The following SERP1 variants were observed in gnomAD, a reference collection of about 807,000 sequenced individuals.
SERP1 encodes stress-associated endoplasmic reticulum protein 1.
SERP1 carries 6 observed loss-of-function variants against 8.8 expected under a neutral mutation model. The ratio of observed to expected loss-of-function variants is 0.68; its 90% CI spans 0.37 to 1.35. The LOEUF (loss-of-function observed/expected upper bound fraction) is 1.35. SERP1 is among the 40% of genes most tolerant of loss of function. The pLI is 0.02. For synonymous variants in SERP1, 36 were observed against 28.7 expected (o/e 1.25, Z -0.81); for missense variants, 52 against 86.2 (o/e 0.60, Z 1.57).
chr3:150,544,183 C>A lies in SERP1; in HGVS notation c.*275G>T. The stretch of plus-strand genomic sequence containing the variant: ...TAATAACCACATAAAAAAACTTACT[C>A]TTAATTGACTGAATAAGTAGGGTCC... On this transcript the variant is annotated 3_prime_UTR_variant, in exon 3 of 3. Transcript: ENST00000239944. The A allele has an allele frequency of 2.7e-6, 1 of 374,588 alleles. No homozygotes were observed. The highest frequency in any genetic ancestry group is 4.8e-6 in the Non-Finnish European group (1 of 207,606). The allele number at this position is 374,588 out of a possible 1,614,324, so 23.2% of individuals were successfully genotyped here.
In SERP1 at chr3:150,543,769, AG is replaced by A. The variant is rs1351867766; in HGVS notation, c.*688del. ...AACTGATTAAGTCAGAAAACGATCA[AG>A]TTTTTTTTTTATGGCATCTTGGGTT... On this transcript the variant is annotated 3_prime_UTR_variant, in exon 3 of 3. Transcript: ENST00000239944. 2.1e-5 allele frequency: 1 copy of A among 48,462 alleles called. No individual in the cohort carries two copies. 3.0% of individuals were successfully genotyped at this position (48,462 alleles called of 1,614,324 possible).
intron 1 of SERP1, 54 bp from the exon 2 acceptor site, chr3:150,545,832 G>A: frequency 1.3e-6 from 2 of 1,538,260 alleles, no homozygotes; most frequent in Non-Finnish European, 8.8e-7. Context: ...TCGGACCCCA[G>A]GCTCCCACGC....
At position 150,546,485 on chromosome 3, in the gene SERP1, C is replaced by G; in HGVS notation, c.-350G>C. On this transcript the variant is annotated 5_prime_UTR_variant, in exon 1 of 3. Transcript: ENST00000239944. ...CGCAACAACGGGAATGTGCAGCCCG[C>G]CGCCTCGATCTACTTTGGGTTCGGC... The G allele has an allele frequency of 1.7e-6, 1 of 571,806 alleles. No homozygotes were observed. Among genetic ancestry groups the G allele is most frequent in the Non-Finnish European group, 3.1e-6 (1 of 321,914 alleles). The allele number at this position is 571,806 out of a possible 1,614,324, so 35.4% of individuals were successfully genotyped here.
rs913882698 is a variant in SERP1, at chr3:150,542,143, G to C, written c.*2315C>G. 26 of 152,286 alleles carry C rather than the reference G, an allele frequency of 1.7e-4. No homozygotes were observed. The highest frequency in any genetic ancestry group is 5.8e-4 in the African/African-American group (24 of 41,566). 9.4% of individuals were successfully genotyped at this position (152,286 alleles called of 1,614,324 possible). A position where few individuals can be genotyped will look rare whatever the true frequency, so the allele number is the denominator to read the frequency against. ...AGATACAATTAATTGACAACTTGTT[G>C]AAATGTTAGAGTTAAACCACAAAGA... On this transcript the variant is annotated 3_prime_UTR_variant, in exon 3 of 3. Coordinates refer to ENST00000239944, the MANE Select transcript of SERP1 (RefSeq NM_014445.4).
At chr3:150,544,796 T>G (rs568493106) in intron 2 of SERP1, among the ~76,000 whole-genome samples, 1 of 152,372 alleles carries the variant, frequency 6.6e-6, no homozygotes, top group Non-Finnish European at 1.5e-5. Flanking sequence ...AACAGGTTTT[T>G]CCAGCATAGA....
chr3:150,546,045 T>C lies in SERP1; in HGVS notation c.84+7A>G. ...GGAACGCAGAGGGGCGCCCGCTCTT[T>C]CCTTACCGAGGTCTTGGCGACGTTG... On this transcript the variant is annotated splice_region_variant and intron_variant, in intron 1 of 2. Coordinates refer to ENST00000239944, the MANE Select transcript of SERP1 (RefSeq NM_014445.4). 1 of 1,613,560 alleles carries C rather than the reference T, an allele frequency of 6.2e-7. No homozygotes were observed. The highest frequency in any genetic ancestry group is 1.3e-5 in the African/African-American group (1 of 75,050).
Position 150,542,306 on chromosome 3 carries a change from T to C in SERP1, c.*2152A>G, listed in dbSNP as rs1576580672. 1 of 152,220 alleles carries C rather than the reference T, an allele frequency of 6.6e-6. No homozygotes were observed. Among genetic ancestry groups the C allele is most frequent in the Non-Finnish European group, 1.5e-5 (1 of 68,040 alleles). 9.4% of individuals were successfully genotyped at this position (152,220 alleles called of 1,614,324 possible). On this transcript the variant is annotated 3_prime_UTR_variant, in exon 3 of 3. Coordinates refer to ENST00000239944, the MANE Select transcript of SERP1 (RefSeq NM_014445.4). Reference sequence around the variant, plus strand: ...AGCTTGAATTGGATGACAAGGAGATTAGGAAATCCTAAGTGGAAAAATATT... The same window carrying C: ...AGCTTGAATTGGATGACAAGGAGATCAGGAAATCCTAAGTGGAAAAATATT...
rs1723017998 is a variant in SERP1, at chr3:150,546,332, CGACT to C, written c.-201_-198del. On this transcript the variant is annotated 5_prime_UTR_variant, in exon 1 of 3. Coordinates refer to ENST00000239944, the MANE Select transcript of SERP1 (RefSeq NM_014445.4). ...TGAGCACAAGCCGGGCGCCGGCCGC[CGACT>C]GACTGACCGAGCGGGGCAGGTGCGC... is the stretch of plus-strand genomic sequence containing the variant. 3.3e-6 allele frequency: 2 copies of C among 608,406 alleles called. No individual in the cohort carries two copies. Among genetic ancestry groups the C allele is most frequent in the South Asian group, 4.1e-5 (2 of 48,376 alleles). 37.7% of individuals were successfully genotyped at this position (608,406 alleles called of 1,614,324 possible). A position where few individuals can be genotyped will look rare whatever the true frequency, so the allele number is the denominator to read the frequency against.
At chr3:150,544,984 A>C (rs1576581549) in intron 2 of SERP1, among the ~76,000 whole-genome samples, 1 of 152,236 alleles carries the variant, frequency 6.6e-6, no homozygotes, top group East Asian at 1.9e-4. Context: ...TGAAACGTTA[A>C]ACAGAAATCT....
rs1227780743 is a variant in SERP1 at position 150,542,334 on chromosome 3, A to C, written c.*2124T>G. ...GAAATCCTAAGTGGAAAAATATTCA[A>C]ATCATTGTGCTTTCTATATATTTTT... On this transcript the variant is annotated 3_prime_UTR_variant, in exon 3 of 3. Transcript: ENST00000239944. 1.3e-5 allele frequency: 2 copies of C among 152,210 alleles called. No homozygotes were observed. The highest frequency in any genetic ancestry group is 1.5e-5 in the Non-Finnish European group (1 of 68,032). The allele number at this position is 152,210 out of a possible 1,614,324, so 9.4% of individuals were successfully genotyped here.
chr3:150,545,350 A>G (rs548791387), intron 2 of SERP1: 1 of 396,988 alleles, frequency 2.5e-6, no homozygotes, highest in Non-Finnish European at 4.5e-6. Flanking sequence ...TCTATAGTAC[A>G]TATTTATAAT....
At chr3:150,545,165 T>C (rs887633402) in intron 2 of SERP1, among the ~76,000 whole-genome samples, 3 of 152,208 alleles carry the variant, frequency 2.0e-5, no homozygotes, top group Non-Finnish European at 4.4e-5. Context: ...TTTTAAACCA[T>C]GTATCAAACG....
At chr3:150,544,896 T>G (rs993288649) in intron 2 of SERP1, among the ~76,000 whole-genome samples, 1 of 152,252 alleles carries the variant, frequency 6.6e-6, no homozygotes, top group African/African-American at 2.4e-5. Context: ...TCAATCATCT[T>G]CAGGTTATAT....
chr3:150,545,876 G>C, intron 1 of SERP1, 98 bp from the exon 2 acceptor site: 1 of 1,384,730 alleles, frequency 7.2e-7, no homozygotes, highest in Non-Finnish European at 9.9e-7. Context: ...TCACCTCACA[G>C]GTCTCCCCTT....
chr3:150,545,903 A>C (rs905737339), intron 1 of SERP1, 125 bp from the exon 2 acceptor site: 36 of 1,353,144 alleles, frequency 2.7e-5, no homozygotes, highest in Middle Eastern at 2.2e-4. Context: ...CCGAGCCCCC[A>C]CAGTCTGGCG....
rs1722899827 is a variant in SERP1 at position 150,542,703 on chromosome 3, A to T, written c.*1755T>A. 2 of 152,662 alleles carry T rather than the reference A, an allele frequency of 1.3e-5. No homozygotes were observed. Among genetic ancestry groups the T allele is most frequent in the Non-Finnish European group, 2.9e-5 (2 of 68,034 alleles). 9.5% of individuals were successfully genotyped at this position (152,662 alleles called of 1,614,324 possible). ...TAGCAATTTAACAGTCAAATTTATC[A>T]GAACATTGTACATTAAAAAACACAA... is the stretch of plus-strand genomic sequence containing the variant. On this transcript the variant is annotated 3_prime_UTR_variant, in exon 3 of 3. Coordinates refer to ENST00000239944, the MANE Select transcript of SERP1 (RefSeq NM_014445.4).
At chr3:150,544,619 T>C in intron 2 of SERP1, 121 bp from the exon 3 acceptor site, 1 of 691,652 alleles carries the variant, frequency 1.4e-6, no homozygotes, top group Admixed American at 2.7e-5. Flanking sequence ...AAATGGTACA[T>C]AACTTCAGTA....
Position 150,546,183 on chromosome 3 carries a change from TC to T in SERP1, c.-49del. On this transcript the variant is annotated 5_prime_UTR_variant, in exon 1 of 3. Transcript: ENST00000239944. ...CCGGCCACCCCTCGGACTCGCTCAC[TC>T]GCCTGCCTCCTCTGGAGCCGCTGCG... 1 of 1,595,476 alleles carries T rather than the reference TC, an allele frequency of 6.3e-7. No individual in the cohort carries two copies. The highest frequency in any genetic ancestry group is 8.6e-7 in the Non-Finnish European group (1 of 1,168,612).
rs984450558 is a variant in SERP1, at chr3:150,546,492, G to A, written c.-357C>T. On this transcript the variant is annotated 5_prime_UTR_variant, in exon 1 of 3. Coordinates refer to ENST00000239944, the MANE Select transcript of SERP1 (RefSeq NM_014445.4). Reference sequence around the variant, plus strand: ...ACGGGAATGTGCAGCCCGCCGCCTCGATCTACTTTGGGTTCGGCTGCCAAC... The same window carrying A: ...ACGGGAATGTGCAGCCCGCCGCCTCAATCTACTTTGGGTTCGGCTGCCAAC... 7 of 571,816 alleles carry A rather than the reference G, an allele frequency of 1.2e-5. No individual in the cohort carries two copies. Among genetic ancestry groups the A allele is most frequent in the Admixed American group, 3.2e-5 (1 of 31,546 alleles). 35.4% of individuals were successfully genotyped at this position (571,816 alleles called of 1,614,324 possible).
Sources: gnomAD v4.1 joint callset for allele counts (sites outside exome capture counted in the v4.1 genomes callset) on GRCh38, gnomAD v4.1.1 for gene constraint, MANE v1.5 for transcripts, NCBI Gene and HGNC (gene_info 2026-07-23, HGNC 2026-07-21) for gene names.